Variants in FBN3 observed in about 807,000 individuals in gnomAD.
FBN3 encodes the protein fibrillin-3.
FBN3 carries 234 observed loss-of-function variants against 330.1 expected under a neutral mutation model. That is an observed-to-expected ratio of 0.71 (90% CI 0.64 to 0.79). The LOEUF is 0.79. Among genes scored for constraint, FBN3 ranks in the 30% least tolerant of loss-of-function variants. The pLI is 0.00. For synonymous variants in FBN3, 1,458 were observed against 1,517.3 expected, an observed-to-expected ratio of 0.96 and a Z score of 0.91; for missense variants, 3,606 against 3,886.9, an observed-to-expected ratio of 0.93 and a Z score of 1.92.
In FBN3 at chr19:8,129,727, G is replaced by A. The variant is rs1003807234; in HGVS notation, c.2045-362C>T. Among the ~76,000 whole-genome samples the A allele has an allele frequency of 5.3e-5, 8 of 152,072 alleles. No homozygotes were observed. Among genetic ancestry groups the A allele is most frequent in the African/African-American group, 1.9e-4 (8 of 41,400 alleles). ...AATTATCTCCAGTTTGGAAATAGTG[G>A]AGCAGACATCCATACAGTGGCACTG... On this transcript the variant is annotated intron_variant, in intron 16 of 63. Transcript: ENST00000600128. This position sits in a 1 kb window ranked among gnomAD's most constrained non-coding sequence, Gnocchi z 4.5.
rs1599458970 is a variant in FBN3 at position 8,146,340 on chromosome 19, C to T, written c.251-115G>A. ...AGTGGACGCTGCTGGTCATCTGCAT[C>T]CCCGGCTCTGCTCATAGCACACCCC... On this transcript the variant is annotated intron_variant, in intron 3 of 63. Transcript: ENST00000600128. The T allele has an allele frequency of 3.4e-5, 28 of 831,138 alleles. No individual in the cohort carries two copies. The South Asian group carries it at 4.2e-4, about 12-fold the overall frequency. 51.5% of individuals were successfully genotyped at this position (831,138 alleles called of 1,614,324 possible). A position where few individuals can be genotyped will look rare whatever the true frequency, so the allele number is the denominator to read the frequency against.
chr19:8,147,398 C>T lies in FBN3; in HGVS notation c.83G>A (p.Gly28Asp), dbSNP rs1448282355. Residue 28 changes from glycine (G) to aspartate (D), a missense_variant, in exon 2 of 64, where the codon GGT becomes GAT. Coordinates refer to ENST00000600128, the MANE Select transcript of FBN3 (RefSeq NM_032447.5). ...LAWSALLCMAGGQGRWDGALE... is the reference protein window; with the variant it reads ...LAWSALLCMADGQGRWDGALE... Reference sequence around the variant, plus strand: ...GGCCCCGTCCCAGCGGCCTTGGCCACCTGCCATGCACAACAGGGCCGACCA... The same window carrying T: ...GGCCCCGTCCCAGCGGCCTTGGCCATCTGCCATGCACAACAGGGCCGACCA... 3 of 1,597,840 alleles carry T rather than the reference C, an allele frequency of 1.9e-6. No individual in the cohort carries two copies. Among genetic ancestry groups the T allele is most frequent in the Admixed American group, 3.5e-5 (2 of 57,650 alleles).
intron 41 of FBN3, among the ~76,000 whole-genome samples, chr19:8,098,465 GAAACAAACTAA>G (rs2082259012): frequency 6.0e-5 from 9 of 149,822 alleles, no homozygotes; most frequent in East Asian, 4.0e-4. Flanking sequence ...TGGGGGACTG[GAAACAAACTAA>G]GTGTCCATCA....
intron 38 of FBN3, among the ~76,000 whole-genome samples, chr19:8,105,155 A>C (rs1303475135): frequency 6.6e-6 from 1 of 150,828 alleles, no homozygotes; most frequent in Admixed American, 6.6e-5. Context: ...GGGTTTCACT[A>C]TGTTGGCCAG....
chr19:8,103,771 G>C, intron 38 of FBN3, 84 bp from the exon 39 acceptor site: 1 of 1,380,168 alleles, frequency 7.2e-7, no homozygotes, highest in Non-Finnish European at 1.0e-6. Flanking sequence ...ACCCAGCAAG[G>C]CCACTTCACC....
chr19:8,125,394 A>AGG (rs2144924077), intron 22 of FBN3, among the ~76,000 whole-genome samples: 2 of 151,034 alleles, frequency 1.3e-5, no homozygotes, highest in South Asian at 4.2e-4. Flanking sequence ...TGCCTGGGTG[A>AGG]CAGAGTGAGA....
rs183553549 is a variant in FBN3 at position 8,076,580 on chromosome 19, G to A, written c.7454-1169C>T. On this transcript the variant is annotated intron_variant, in intron 59 of 63. Coordinates refer to ENST00000600128, the MANE Select transcript of FBN3 (RefSeq NM_032447.5). The stretch of plus-strand genomic sequence containing the variant: ...CTTGAACCCGGGAGGCGGAGGTTGC[G>A]ATGAGCCAAGATTGTTCCACTGCAC... Among the ~76,000 whole-genome samples the A allele has an allele frequency of 6.0e-3, 911 of 152,202 alleles. 16 individuals carry two copies. Among genetic ancestry groups the A allele is most frequent in the African/African-American group, 0.021 (861 of 41,498 alleles).
chr19:8,119,963 G>A (rs920350811), intron 25 of FBN3, among the ~76,000 whole-genome samples: 6 of 151,160 alleles, frequency 4.0e-5, no homozygotes, highest in African/African-American at 1.5e-4. Flanking sequence ...TGGGACTACA[G>A]GCAGGCACCA....
Position 8,075,361 on chromosome 19 carries a change from A to G in FBN3, c.7504T>C (p.Cys2502Arg), listed in dbSNP as rs1253754424. 1.2e-6 allele frequency: 2 copies of G among 1,614,190 alleles called. No homozygotes were observed. Among genetic ancestry groups the G allele is most frequent in the South Asian group, 1.1e-5 (1 of 91,090 alleles). Residue 2502 changes from cysteine to arginine, a missense_variant, in exon 60 of 64, where the codon TGC (cysteine) becomes CGC (arginine). Physicochemically the swap from Cys to Arg is radical, Grantham distance 180. Transcript: ENST00000600128. ...QPGPCGAHGH[C>R]HNTPGSFRCE... The stretch of plus-strand genomic sequence containing the variant: ...CGGAAGCTGCCCGGGGTGTTGTGGC[A>G]GTGCCCGTGGGCACCACATGGGCCA...
At chr19:8,116,196 G>A (rs952761717) in intron 29 of FBN3, among the ~76,000 whole-genome samples, 2 of 152,078 alleles carry the variant, frequency 1.3e-5, no homozygotes, top group African/African-American at 4.8e-5. Context: ...GTCCTGATAG[G>A]GTATGCAGTA....
At chr19:8,127,887 AGGATAATCTCTTAAAC>A (rs1568435962) in intron 18 of FBN3, among the ~76,000 whole-genome samples, 1 of 152,228 alleles carries the variant, frequency 6.6e-6, no homozygotes, top group African/African-American at 2.4e-5. Flanking sequence ...AGGCAGAGAC[AGGATAATCTCTTAAAC>A]GGCGGGAGAA....
In FBN3 at chr19:8,131,416, G is replaced by A. The variant is rs921600830; in HGVS notation, c.1991-128C>T. On this transcript the variant is annotated intron_variant, in intron 15 of 63. Coordinates refer to ENST00000600128, the MANE Select transcript of FBN3 (RefSeq NM_032447.5). This position sits in a 1 kb window ranked among gnomAD's most constrained non-coding sequence, Gnocchi z 4.5. The stretch of plus-strand genomic sequence containing the variant: ...GGACTAAGACACAACTCCAACCCCG[G>A]GGAGGGAGCAACTCCCTTCAGCCTC... 3 of 1,436,552 alleles carry A rather than the reference G, an allele frequency of 2.1e-6. No individual in the cohort carries two copies. The highest frequency in any genetic ancestry group is 1.9e-5 in the Admixed American group (1 of 53,668). The allele number at this position is 1,436,552 out of a possible 1,614,324, so 89.0% of individuals were successfully genotyped here.
rs563532859 is a variant in FBN3 at position 8,137,880 on chromosome 19, G to A, written c.1201+261C>T. On this transcript the variant is annotated intron_variant, in intron 10 of 63. Transcript: ENST00000600128. ...TGGCCTCAAGTGATCCTTCCACCTC[G>A]GCCTCCCAAAGTACTGGGATTATAG... is the stretch of plus-strand genomic sequence containing the variant. Among the ~76,000 whole-genome samples, 7 of 152,140 alleles carry A rather than the reference G, an allele frequency of 4.6e-5. No individual in the cohort carries two copies. The South Asian group carries it at 1.2e-3, about 27-fold the overall frequency.
In FBN3 at chr19:8,096,790, G is replaced by T; in HGVS notation, c.5413+91C>A. Reference sequence around the variant, plus strand: ...CCCACCCCCCTAATAGTATAGAAAAGGAGAAAGACCTGGACAGAGCCATAC... The same window carrying T: ...CCCACCCCCCTAATAGTATAGAAAATGAGAAAGACCTGGACAGAGCCATAC... On this transcript the variant is annotated intron_variant, in intron 43 of 63. Coordinates refer to ENST00000600128, the MANE Select transcript of FBN3 (RefSeq NM_032447.5). This position sits in a 1 kb window ranked among gnomAD's most constrained non-coding sequence, Gnocchi z 4.6. The T allele has an allele frequency of 6.9e-7, 1 of 1,457,136 alleles. No homozygotes were observed. The highest frequency in any genetic ancestry group is 9.3e-7 in the Non-Finnish European group (1 of 1,071,500). 90.3% of individuals were successfully genotyped at this position (1,457,136 alleles called of 1,614,324 possible).
intron 41 of FBN3, among the ~76,000 whole-genome samples, chr19:8,098,328 G>T (rs1004351059): frequency 2.0e-5 from 3 of 151,786 alleles, no homozygotes; most frequent in African/African-American, 7.3e-5. Flanking sequence ...ATCAATGGGG[G>T]ACAGGAAACA....
rs2082898168 is a variant in FBN3 at position 8,123,335 on chromosome 19, CAA to C, written c.3082+127_3082+128del. 2.3e-5 allele frequency: 24 copies of C among 1,039,072 alleles called. No homozygotes were observed. In the South Asian group the frequency reaches 4.0e-4, roughly 17 times the overall value. 64.4% of individuals were successfully genotyped at this position (1,039,072 alleles called of 1,614,324 possible). The stretch of plus-strand genomic sequence containing the variant: ...TGCCATTGCACTCCAGCCTGGATAA[CAA>C]GAGTAAAACTCCGTCTCGAAAAAAA... On this transcript the variant is annotated intron_variant, in intron 24 of 63. Coordinates refer to ENST00000600128, the MANE Select transcript of FBN3 (RefSeq NM_032447.5).
rs527665084 is a variant in FBN3, at chr19:8,126,664, C to T, written c.2416+49G>A. The T allele has an allele frequency of 1.1e-4, 182 of 1,590,756 alleles. 2 individuals are homozygous for T. In the South Asian group the frequency reaches 2.0e-3, roughly 18 times the overall value. On this transcript the variant is annotated intron_variant, in intron 19 of 63. Transcript: ENST00000600128. ...GCCGGCCCTACACCTGCACCCTGAC[C>T]CATAGACGCCCAGCCTCTGGAACGC...
chr19:8,090,350 C>G, intron 48 of FBN3, 99 bp from the exon 49 acceptor site: 1 of 1,383,692 alleles, frequency 7.2e-7, no homozygotes, highest in Admixed American at 2.1e-5. Context: ...ATGGGTTGTG[C>G]TGATCCTGCC....
At chr19:8,130,811 G>A (rs2083128460) in intron 16 of FBN3, among the ~76,000 whole-genome samples, 1 of 151,442 alleles carries the variant, frequency 6.6e-6, no homozygotes, top group Non-Finnish European at 1.5e-5. Context: ...AGCCGTGATT[G>A]CACCACATCA....
Sources: allele counts gnomAD v4.1 joint callset (sites outside exome capture counted in the v4.1 genomes callset), GRCh38; gene constraint gnomAD v4.1.1; non-coding constraint Gnocchi (gnomAD v3.1); transcripts MANE v1.5; gene names NCBI Gene and HGNC (gene_info 2026-07-23, HGNC 2026-07-21).